Variants in ANKFN1 observed in about 807,000 individuals in gnomAD.
ANKFN1 encodes ankyrin repeat and fibronectin type III domain containing 1.
Under a neutral mutation model 108.7 loss-of-function variants are expected in ANKFN1, and 74 were observed. The observed-to-expected ratio is 0.68, with a 90% CI of 0.56 to 0.83. The LOEUF is 0.83. Among genes scored for constraint, ANKFN1 ranks in the 40% least tolerant of loss-of-function variants. The probability of loss-of-function intolerance (pLI) is 0.00; values close to 1 mark genes in which losing one functional copy is unlikely to be tolerated. For synonymous variants in ANKFN1, 547 were observed against 516.2 expected (o/e 1.06, Z -0.81); for missense variants, 1,505 against 1,382.3 (o/e 1.09, Z -1.41).
intron 4 of ANKFN1, among the ~76,000 whole-genome samples, chr17:56,134,945 G>A (rs754783740): frequency 2.0e-5 from 3 of 152,164 alleles, no homozygotes; most frequent in Admixed American, 6.5e-5. Flanking sequence ...TGTGATTTCA[G>A]AGTTGAGTAG....
At chr17:56,381,754 C>A (rs564978686) in intron 8 of ANKFN1, among the ~76,000 whole-genome samples, 11 of 151,996 alleles carry the variant, frequency 7.2e-5, no homozygotes, top group Non-Finnish European at 1.3e-4. Flanking sequence ...TAAAAAGAAA[C>A]GAACAAAGCC....
intron 2 of ANKFN1, among the ~76,000 whole-genome samples, chr17:56,222,933 G>C (rs536931031): frequency 6.6e-6 from 1 of 152,256 alleles, no homozygotes; most frequent in East Asian, 1.9e-4. Flanking sequence ...CAAGCCCACT[G>C]TAATTGCAAA....
At chr17:56,357,727 G>A (rs1486468820) in intron 6 of ANKFN1, among the ~76,000 whole-genome samples, 1 of 152,146 alleles carries the variant, frequency 6.6e-6, no homozygotes, top group Non-Finnish European at 1.5e-5. Flanking sequence ...CTGCCAGCCA[G>A]AACCAGATAA....
At chr17:56,119,783 A>G (rs1033228458) in intron 4 of ANKFN1, among the ~76,000 whole-genome samples, 3 of 152,138 alleles carry the variant, frequency 2.0e-5, no homozygotes, top group Non-Finnish European at 4.4e-5. Flanking sequence ...TACGTCCTGG[A>G]CCTGTCATGT....
intron 8 of ANKFN1, among the ~76,000 whole-genome samples, chr17:56,398,360 A>G (rs562957875): frequency 4.8e-4 from 73 of 152,176 alleles, no homozygotes; most frequent in African/African-American, 1.4e-3. Context: ...CCTCCTCTTT[A>G]TTACTACACC....
intron 18 of ANKFN1, among the ~76,000 whole-genome samples, chr17:56,487,399 G>T (rs1382280252): frequency 6.6e-6 from 1 of 152,132 alleles, no homozygotes; most frequent in Non-Finnish European, 1.5e-5. Context: ...TGCCTAGCCT[G>T]CACAGAGGAG....
intron 1 of ANKFN1, among the ~76,000 whole-genome samples, chr17:56,177,810 G>GT (rs368031374): frequency 1.4e-5 from 1 of 73,860 alleles, no homozygotes; most frequent in Middle Eastern, 7.1e-3. Context: ...TTTTGTTTTT[G>GT]TTTTGTTTTG....
At chr17:56,462,616 A>G (rs1343105278) in intron 14 of ANKFN1, among the ~76,000 whole-genome samples, 1 of 152,194 alleles carries the variant, frequency 6.6e-6, no homozygotes, top group Non-Finnish European at 1.5e-5. Context: ...AAATAAAATA[A>G]CAATGTTCTG....
At chr17:56,369,860 A>G (rs1370214469) in intron 6 of ANKFN1, among the ~76,000 whole-genome samples, 1 of 152,198 alleles carries the variant, frequency 6.6e-6, no homozygotes, top group East Asian at 1.9e-4. Flanking sequence ...AACAGATGCA[A>G]ATGATAGTCT....
chr17:56,052,989 G>T (rs1247589677), intron 4 of ANKFN1, among the ~76,000 whole-genome samples: 1 of 152,010 alleles, frequency 6.6e-6, no homozygotes, highest in Non-Finnish European at 1.5e-5. Flanking sequence ...ATGAGGGAAT[G>T]ATAAAAAATG....
intron 4 of ANKFN1, among the ~76,000 whole-genome samples, chr17:56,108,909 C>T (rs1905803600): frequency 6.6e-6 from 1 of 152,168 alleles, no homozygotes; most frequent in Admixed American, 6.5e-5. Flanking sequence ...TTTTGTAAGC[C>T]ACTTTCTTCC....
At chr17:56,145,712 C>G (rs548027998) in intron 4 of ANKFN1, among the ~76,000 whole-genome samples, 10 of 152,092 alleles carry the variant, frequency 6.6e-5, no homozygotes, top group Non-Finnish European at 1.0e-4. Context: ...GCCCCTGGAC[C>G]CTCCCAAATC....
intron 4 of ANKFN1, among the ~76,000 whole-genome samples, chr17:56,069,500 T>TA (rs1905096681): frequency 6.6e-6 from 1 of 152,128 alleles, no homozygotes; most frequent in Non-Finnish European, 1.5e-5. Context: ...CTGAATGAGG[T>TA]TATATCTCTG....
intron 20 of ANKFN1, among the ~76,000 whole-genome samples, chr17:56,499,543 T>C (rs1283523790): frequency 6.6e-6 from 1 of 152,064 alleles, no homozygotes; most frequent in Non-Finnish European, 1.5e-5. Flanking sequence ...GGTGAGAGTT[T>C]GGGAAAAACT....
Position 56,457,375 on chromosome 17 carries a change from C to T in ANKFN1, c.1426C>T (p.Leu476=). 1 of 1,595,240 alleles carries T rather than the reference C, an allele frequency of 6.3e-7. No homozygotes were observed. Among genetic ancestry groups the T allele is most frequent in the Non-Finnish European group, 8.5e-7 (1 of 1,175,444 alleles). The change falls in exon 13 of 21, where the codon CTG becomes TTG. Residue 476 remains leucine, a synonymous_variant. Transcript: ENST00000682825. ...SHTSSITQDF[L]WFTKLSCMWE... ...CACCAGTTCTATTACACAAGATTTT[C>T]TGTGGTTCACGAAGGTATACTAAGT...
intron 4 of ANKFN1, among the ~76,000 whole-genome samples, chr17:56,056,045 C>A (rs1270391788): frequency 2.6e-5 from 4 of 151,224 alleles, no homozygotes; most frequent in African/African-American, 9.7e-5. Context: ...AATATCAGTT[C>A]ATGTTCTTTG....
intron 3 of ANKFN1, among the ~76,000 whole-genome samples, chr17:56,267,956 C>G (rs184126809): frequency 6.6e-6 from 1 of 151,890 alleles, no homozygotes; most frequent in African/African-American, 2.4e-5. Flanking sequence ...ATAGAAATAG[C>G]GCTGAATCTG....
intron 3 of ANKFN1, among the ~76,000 whole-genome samples, chr17:56,297,505 T>C (rs1233539724): frequency 2.0e-5 from 3 of 152,212 alleles, no homozygotes; most frequent in Non-Finnish European, 4.4e-5. Context: ...TTTCAGCTGG[T>C]TGAACTTCAA....
At chr17:56,327,895 G>A (rs527970398) in intron 4 of ANKFN1, among the ~76,000 whole-genome samples, 20 of 152,218 alleles carry the variant, frequency 1.3e-4, no homozygotes, top group East Asian at 5.8e-4. Flanking sequence ...TCCAGAGGTC[G>A]TTCATCAGAA....
Sources: allele counts gnomAD v4.1 joint callset (sites outside exome capture counted in the v4.1 genomes callset), GRCh38; gene constraint gnomAD v4.1.1; transcripts MANE v1.5; gene names NCBI Gene and HGNC (gene_info 2026-07-23, HGNC 2026-07-21).